Variants in SLC4A4 observed in about 807,000 individuals in gnomAD.
The protein encoded by SLC4A4 is electrogenic sodium bicarbonate cotransporter 1.
Under a neutral mutation model 111.5 loss-of-function variants are expected in SLC4A4, and 27 were observed. The observed-to-expected ratio is 0.24, with a 90% CI of 0.18 to 0.33. The LOEUF is 0.33. Ranked by LOEUF, SLC4A4 falls within the 10% of genes least tolerant of loss-of-function variation. SLC4A4 has a pLI of 1.00. For synonymous variants in SLC4A4, 443 were observed against 463.4 expected, an observed-to-expected ratio of 0.96 and a Z score of 0.57; for missense variants, 909 against 1,315.5, an observed-to-expected ratio of 0.69 and a Z score of 4.78.
chr4:71,327,719 A>G (rs1181291304), intron 3 of SLC4A4, among the ~76,000 whole-genome samples: 1 of 151,882 alleles, frequency 6.6e-6, no homozygotes, highest in Non-Finnish European at 1.5e-5. Context: ...TAATAGGTAT[A>G]TATATTTACG....
intron 16 of SLC4A4, among the ~76,000 whole-genome samples, chr4:71,512,658 T>G (rs757473153): frequency 2.0e-5 from 3 of 152,154 alleles, no homozygotes; most frequent in Non-Finnish European, 2.9e-5. Context: ...ACTTGTCTAT[T>G]TTTGTTTGGT....
intron 16 of SLC4A4, among the ~76,000 whole-genome samples, chr4:71,514,521 A>G (rs1440709802): frequency 1.3e-5 from 2 of 152,206 alleles, no homozygotes; most frequent in African/African-American, 4.8e-5. Flanking sequence ...ATAATTGACT[A>G]ATACAGAAAA....
intron 1 of SLC4A4, among the ~76,000 whole-genome samples, chr4:71,212,947 A>G (rs941394801): frequency 3.3e-5 from 5 of 152,164 alleles, no homozygotes; most frequent in African/African-American, 1.2e-4. Flanking sequence ...TTTACTGTAC[A>G]TTTTCTATGT....
chr4:71,146,496 A>G (rs942929385), intron 2 of SLC4A4, among the ~76,000 whole-genome samples: 2 of 152,050 alleles, frequency 1.3e-5, no homozygotes, highest in Non-Finnish European at 2.9e-5. Flanking sequence ...CAATTCCTGG[A>G]TATCCTTGTT....
At chr4:71,083,160 A>G (rs1342849732) in intron 1 of SLC4A4, among the ~76,000 whole-genome samples, 1 of 151,928 alleles carries the variant, frequency 6.6e-6, no homozygotes, top group Non-Finnish European at 1.5e-5. Context: ...GCCCCCATAA[A>G]TGTTTTAATA....
At chr4:71,308,133 A>C (rs532887365) in intron 3 of SLC4A4, among the ~76,000 whole-genome samples, 1 of 152,154 alleles carries the variant, frequency 6.6e-6, no homozygotes, top group East Asian at 1.9e-4. Context: ...CCACATTTTC[A>C]TGTTATATGC....
intron 1 of SLC4A4, among the ~76,000 whole-genome samples, chr4:71,090,436 G>A (rs138046959): frequency 1.2e-3 from 178 of 152,300 alleles, no homozygotes; most frequent in African/African-American, 4.2e-3. Flanking sequence ...CCAGTGAGAT[G>A]AACCTGGTAC....
chr4:71,309,788 G>A (rs1045268959), intron 3 of SLC4A4, among the ~76,000 whole-genome samples: 3 of 151,934 alleles, frequency 2.0e-5, no homozygotes, highest in Admixed American at 6.6e-5. Context: ...TCAAATGATC[G>A]CAACTCCTTT....
At chr4:71,313,494 G>T (rs1726387738) in intron 3 of SLC4A4, among the ~76,000 whole-genome samples, 1 of 152,128 alleles carries the variant, frequency 6.6e-6, no homozygotes, top group African/African-American at 2.4e-5. Flanking sequence ...AAAGAACAAA[G>T]CTGGAGGCAT....
intron 3 of SLC4A4, among the ~76,000 whole-genome samples, chr4:71,326,913 T>A (rs942600593): frequency 3.3e-5 from 5 of 152,102 alleles, no homozygotes; most frequent in African/African-American, 1.2e-4. Context: ...AAATGATAAC[T>A]ATGTAAACCA....
intron 2 of SLC4A4, among the ~76,000 whole-genome samples, chr4:71,158,546 CACTT>C (rs923922776): frequency 2.6e-5 from 4 of 152,156 alleles, no homozygotes; most frequent in African/African-American, 9.7e-5. Context: ...TTCCCTCAGC[CACTT>C]ACTTAGAATG....
chr4:71,486,386 A>G (rs1470162650), intron 14 of SLC4A4, among the ~76,000 whole-genome samples: 1 of 151,514 alleles, frequency 6.6e-6, no homozygotes, highest in Non-Finnish European at 1.5e-5. Flanking sequence ...ACGCCACATT[A>G]TATGAAAATA....
At chr4:71,179,755 C>T (rs1745225896) in intron 2 of SLC4A4, among the ~76,000 whole-genome samples, 2 of 151,996 alleles carry the variant, frequency 1.3e-5, no homozygotes, top group Admixed American at 1.3e-4. Flanking sequence ...AGAATCAATA[C>T]CATGAAAATG....
chr4:71,484,264 A>C (rs945440999), intron 14 of SLC4A4, among the ~76,000 whole-genome samples: 2 of 151,808 alleles, frequency 1.3e-5, no homozygotes, highest in Non-Finnish European at 2.9e-5. Context: ...TGTGTCCTGA[A>C]TGGTATTGCC....
chr4:71,282,097 T>C (rs1174989285), intron 3 of SLC4A4, among the ~76,000 whole-genome samples: 1 of 152,036 alleles, frequency 6.6e-6, no homozygotes, highest in Non-Finnish European at 1.5e-5. Flanking sequence ...CCTTGAGAAG[T>C]TTGGCTTGAG....
chr4:71,454,586 G>A (rs186580533), intron 12 of SLC4A4, among the ~76,000 whole-genome samples: 3 of 151,784 alleles, frequency 2.0e-5, no homozygotes, highest in African/African-American at 7.2e-5. Flanking sequence ...TAGGATTGCT[G>A]TTTTTCTACT....
At chr4:71,186,638 G>T (rs920711410), upstream of SLC4A4, 3 of 151,568 alleles carry the variant, frequency 2.0e-5, no homozygotes, top group African/African-American at 7.3e-5. Flanking sequence ...GCCGATGCCC[G>T]GGCGGCTGAC....
intron 1 of SLC4A4, among the ~76,000 whole-genome samples, chr4:71,205,640 A>G (rs1409613374): frequency 6.6e-6 from 1 of 152,202 alleles, no homozygotes; most frequent in Admixed American, 6.5e-5. Context: ...AATATTTAAT[A>G]CTGACTAGGT....
chr4:71,461,391 G>A (rs1726807999), intron 12 of SLC4A4, among the ~76,000 whole-genome samples: 1 of 151,890 alleles, frequency 6.6e-6, no homozygotes, highest in Non-Finnish European at 1.5e-5. Flanking sequence ...CCCTAAACAG[G>A]TTTATAATTA....
Sources: gnomAD v4.1 joint callset for allele counts (sites outside exome capture counted in the v4.1 genomes callset) on GRCh38, gnomAD v4.1.1 for gene constraint, MANE v1.5 for transcripts, NCBI Gene and HGNC (gene_info 2026-07-23, HGNC 2026-07-21) for gene names.